KCNH1: variants seen among roughly 807,000 people sequenced by gnomAD.
KCNH1 encodes potassium voltage-gated channel subfamily H member 1, also known as voltage-gated delayed rectifier potassium channel KCNH1.
A neutral mutation model predicts 69.2 loss-of-function variants in KCNH1; 27 were observed. That is an observed-to-expected ratio of 0.39 (90% CI 0.29 to 0.54). The LOEUF (loss-of-function observed/expected upper bound fraction) is 0.54. Ranked by LOEUF, KCNH1 falls within the 20% of genes least tolerant of loss-of-function variation. KCNH1 has a pLI of 0.68. For synonymous variants in KCNH1, 456 were observed against 487.7 expected, an observed-to-expected ratio of 0.93 and a Z score of 0.86; for missense variants, 798 against 1,261.6, an observed-to-expected ratio of 0.63 and a Z score of 5.57.
intron 7 of KCNH1, chr1:210,859,353 A>G (rs1310288898): frequency 1.3e-6 from 2 of 1,529,818 alleles, no homozygotes; most frequent in Admixed American, 1.7e-5. Flanking sequence ...CATGAGTCAG[A>G]CCCTGATCCC....
intron 7 of KCNH1, among the ~76,000 whole-genome samples, chr1:210,845,059 C>T (rs1574291462): frequency 6.6e-6 from 1 of 152,296 alleles, no homozygotes; most frequent in African/African-American, 2.4e-5. Context: ...AGACCAATAA[C>T]CGGCTCTGAA....
At chr1:210,917,242 A>AGAAG (rs1385500892) in intron 7 of KCNH1, among the ~76,000 whole-genome samples, 1 of 143,048 alleles carries the variant, frequency 7.0e-6, no homozygotes, top group African/African-American at 2.7e-5. Flanking sequence ...AAAGAAAGAA[A>AGAAG]GAAAGAAAGA....
chr1:210,795,958 TAA>T (rs549865276), intron 9 of KCNH1, among the ~76,000 whole-genome samples: 188 of 85,976 alleles, frequency 2.2e-3, no homozygotes, highest in Middle Eastern at 0.016. Flanking sequence ...CCATCTCTAC[TAA>T]AAACACACAC....
At chr1:210,856,685 C>T (rs1030507237) in intron 7 of KCNH1, among the ~76,000 whole-genome samples, 5 of 150,170 alleles carry the variant, frequency 3.3e-5, no homozygotes, top group Non-Finnish European at 7.4e-5. Flanking sequence ...CATGCTAGAA[C>T]TTCCCATCAA....
intron 7 of KCNH1, among the ~76,000 whole-genome samples, chr1:210,811,021 A>G (rs1264843017): frequency 6.6e-6 from 1 of 152,188 alleles, no homozygotes; most frequent in African/African-American, 2.4e-5. Flanking sequence ...CTGCTCAGAG[A>G]AGACTCAATT....
chr1:211,108,943 C>A (rs1024796855), intron 1 of KCNH1, among the ~76,000 whole-genome samples: 5 of 152,110 alleles, frequency 3.3e-5, no homozygotes, highest in Admixed American at 2.0e-4. Flanking sequence ...ACTCAAGGAA[C>A]TTAGCAAGAC....
At position 210,839,534 on chromosome 1, in the gene KCNH1, A is replaced by G. The variant is rs147723930; in HGVS notation, c.1463-35368T>C. The stretch of plus-strand genomic sequence containing the variant: ...TGTGCAGTATACCACCATGGCACAC[A>G]TGTGCCTGTGTAACAAACCCACACA... On this transcript the variant is annotated intron_variant, in intron 7 of 10. Transcript: ENST00000271751. 1.3e-3 allele frequency among the ~76,000 whole-genome samples: 205 copies of G among 152,278 alleles called. 1 individual carries two copies. Among genetic ancestry groups the G allele is most frequent in the African/African-American group, 4.8e-3 (200 of 41,580 alleles).
chr1:210,835,312 A>G (rs1398637008), intron 7 of KCNH1, among the ~76,000 whole-genome samples: 1 of 152,172 alleles, frequency 6.6e-6, no homozygotes, highest in Non-Finnish European at 1.5e-5. Flanking sequence ...TTTTAACACA[A>G]AAAGTATAAA....
intron 6 of KCNH1, among the ~76,000 whole-genome samples, chr1:210,941,411 C>A (rs1010391953): frequency 6.6e-6 from 1 of 152,036 alleles, no homozygotes; most frequent in Admixed American, 6.6e-5. Context: ...AGGTTGGGGG[C>A]AAGGAGGCAA....
chr1:211,014,262 G>C (rs1462685152), intron 6 of KCNH1, among the ~76,000 whole-genome samples: 2 of 152,154 alleles, frequency 1.3e-5, no homozygotes, highest in African/African-American at 2.4e-5. Context: ...AAGCACACTA[G>C]CCCAACAATC....
At chr1:211,077,022 C>A (rs1475713042) in intron 5 of KCNH1, among the ~76,000 whole-genome samples, 1 of 151,912 alleles carries the variant, frequency 6.6e-6, no homozygotes, top group African/African-American at 2.4e-5. Flanking sequence ...GATTGAAAAT[C>A]AAATTAATAA....
chr1:210,863,007 A>G (rs942169774), intron 7 of KCNH1, among the ~76,000 whole-genome samples: 2 of 152,216 alleles, frequency 1.3e-5, no homozygotes, highest in South Asian at 4.1e-4. Flanking sequence ...GATTCAGGGC[A>G]TGCGTGTAAA....
intron 9 of KCNH1, among the ~76,000 whole-genome samples, chr1:210,786,552 T>C (rs981268391): frequency 2.6e-5 from 4 of 152,134 alleles, no homozygotes; most frequent in African/African-American, 7.2e-5. Context: ...TTCTAGACTT[T>C]GTTGCTTCTT....
intron 10 of KCNH1, among the ~76,000 whole-genome samples, chr1:210,702,097 A>AAGAT (rs1196159314): frequency 5.9e-5 from 9 of 152,224 alleles, no homozygotes; most frequent in African/African-American, 1.7e-4. Flanking sequence ...CACTGTCATT[A>AAGAT]AGATAGTCAT....
At chr1:211,030,822 G>A (rs886923750) in intron 5 of KCNH1, among the ~76,000 whole-genome samples, 1 of 151,850 alleles carries the variant, frequency 6.6e-6, no homozygotes, top group Non-Finnish European at 1.5e-5. Flanking sequence ...TGACTGAAAG[G>A]AATATCTGCA....
chr1:210,813,010 G>C (rs761049445), intron 7 of KCNH1, among the ~76,000 whole-genome samples: 4 of 152,186 alleles, frequency 2.6e-5, no homozygotes, highest in Non-Finnish European at 4.4e-5. Flanking sequence ...AATAAAAAGA[G>C]AAATGTCTGC....
intron 10 of KCNH1, among the ~76,000 whole-genome samples, chr1:210,698,898 A>T (rs1267330728): frequency 2.0e-5 from 3 of 152,230 alleles, no homozygotes; most frequent in Non-Finnish European, 2.9e-5. Context: ...GGCCACGGGC[A>T]GCTGCCCCGT....
chr1:210,862,421 G>T, intron 7 of KCNH1: 1 of 546,348 alleles, frequency 1.8e-6, no homozygotes, highest in South Asian at 1.9e-5. Context: ...CTGTAACCTT[G>T]AACTCCTGGG....
In KCNH1 at chr1:210,929,341, G is replaced by A. The variant is rs141362132; in HGVS notation, c.1033-9272C>T. 4.6e-3 allele frequency among the ~76,000 whole-genome samples: 701 copies of A among 152,222 alleles called. 7 individuals are homozygous for A. The highest frequency in any genetic ancestry group is 0.016 in the African/African-American group (675 of 41,526). On this transcript the variant is annotated intron_variant, in intron 6 of 10. Transcript: ENST00000271751. ...AAGATAAACCACCATGATCAAGTGG[G>A]TTTCATACCAGGGATGCAGGGATGG...
Sources: gnomAD v4.1 joint callset for allele counts (sites outside exome capture counted in the v4.1 genomes callset) on GRCh38, gnomAD v4.1.1 for gene constraint, MANE v1.5 for transcripts, NCBI Gene and HGNC (gene_info 2026-07-23, HGNC 2026-07-21) for gene names.